The following LRRC7 variants were observed in gnomAD, a reference collection of about 807,000 sequenced individuals.
LRRC7 encodes the protein leucine rich repeat containing 7.
Under a neutral mutation model 175.7 loss-of-function variants are expected in LRRC7, and 23 were observed. That is an observed-to-expected ratio of 0.13 (90% CI 0.09 to 0.19). The LOEUF (loss-of-function observed/expected upper bound fraction) is 0.19. Among genes scored for constraint, LRRC7 ranks in the 10% least tolerant of loss-of-function variants. LRRC7 has a pLI of 1.00. For synonymous variants in LRRC7, 685 were observed against 680.9 expected (o/e 1.01, Z -0.09); for missense variants, 1,354 against 1,904.7 (o/e 0.71, Z 5.38).
At chr1:69,862,182 A>T (rs1031751417) in intron 7 of LRRC7, among the ~76,000 whole-genome samples, 1 of 152,180 alleles carries the variant, frequency 6.6e-6, no homozygotes, top group East Asian at 1.9e-4. Flanking sequence ...AACATAAAAG[A>T]AACCATCTAT....
At chr1:69,843,214 CA>C (rs905777908) in intron 7 of LRRC7, among the ~76,000 whole-genome samples, 8 of 146,344 alleles carry the variant, frequency 5.5e-5, no homozygotes, top group Middle Eastern at 3.5e-3. Context: ...AAAACAACAA[CA>C]AAAAAAAAAC....
chr1:69,631,467 T>C (rs1490665047), intron 1 of LRRC7, among the ~76,000 whole-genome samples: 1 of 152,100 alleles, frequency 6.6e-6, no homozygotes, highest in African/African-American at 2.4e-5. Context: ...CTACAAGGTT[T>C]ATCTCAAGGT....
At chr1:69,599,196 T>C (rs968292344) in intron 1 of LRRC7, among the ~76,000 whole-genome samples, 3 of 152,144 alleles carry the variant, frequency 2.0e-5, no homozygotes, top group Non-Finnish European at 2.9e-5. Context: ...AGAAGTAGGA[T>C]GGAATATAGT....
Position 70,131,733 on chromosome 1 carries a change from C to T in LRRC7, c.*9846C>T, listed in dbSNP as rs1311716606. 1.3e-5 allele frequency among the ~76,000 whole-genome samples: 2 copies of T among 152,272 alleles called. No individual in the cohort carries two copies. Among genetic ancestry groups the T allele is most frequent in the East Asian group, 3.9e-4 (2 of 5,186 alleles). ...CTTTGATAGCATGATGCCTCAAACT[C>T]TCCAGGGGCCTACTCTTTGGTATCT... On this transcript the variant is annotated 3_prime_UTR_variant, in exon 27 of 27. Coordinates refer to ENST00000651989, the MANE Select transcript of LRRC7 (RefSeq NM_001370785.2).
At position 70,142,422 on chromosome 1, in the gene LRRC7, C is replaced by CTAT. The variant is rs1248794054; in HGVS notation, c.*20537_*20539dup. Reference sequence around the variant, plus strand: ...CACTTTCATCCTTGAAAACACAAGCCTATTTTCTGTTTGAAATGAAGAGAA... The same window carrying CTAT: ...CACTTTCATCCTTGAAAACACAAGCCTATTATTTTCTGTTTGAAATGAAGAGAA... On this transcript the variant is annotated 3_prime_UTR_variant, in exon 27 of 27. Coordinates refer to ENST00000651989, the MANE Select transcript of LRRC7 (RefSeq NM_001370785.2). 2 of 152,062 alleles carry CTAT rather than the reference C, an allele frequency of 1.3e-5. No individual in the cohort carries two copies. The highest frequency in any genetic ancestry group is 2.9e-5 in the Non-Finnish European group (2 of 67,982). 9.4% of individuals were successfully genotyped at this position (152,062 alleles called of 1,614,324 possible). A position where few individuals can be genotyped will look rare whatever the true frequency, so the allele number is the denominator to read the frequency against.
chr1:69,996,648 A>C (rs1334757574), intron 11 of LRRC7, among the ~76,000 whole-genome samples: 1 of 152,096 alleles, frequency 6.6e-6, no homozygotes, highest in East Asian at 1.9e-4. Flanking sequence ...CCATTTATTA[A>C]ATAGGGAATC....
At chr1:70,108,345 G>A (rs948977149) in intron 26 of LRRC7, among the ~76,000 whole-genome samples, 1 of 152,072 alleles carries the variant, frequency 6.6e-6, no homozygotes, top group Non-Finnish European at 1.5e-5. Context: ...GATGGAAGAT[G>A]ACTTTCACTA....
chr1:69,939,952 T>C (rs934294473), intron 8 of LRRC7, among the ~76,000 whole-genome samples: 1 of 152,120 alleles, frequency 6.6e-6, no homozygotes, highest in African/African-American at 2.4e-5. Flanking sequence ...CAATTTACTT[T>C]GAGACATACT....
intron 8 of LRRC7, among the ~76,000 whole-genome samples, chr1:69,936,688 A>T (rs950739937): frequency 6.6e-6 from 1 of 152,084 alleles, no homozygotes; most frequent in East Asian, 1.9e-4. Flanking sequence ...GTAGTACCTG[A>T]CAGGTAGTTT....
intron 7 of LRRC7, chr1:69,919,823 A>G: frequency 1.3e-6 from 1 of 751,694 alleles, no homozygotes; most frequent in Non-Finnish European, 2.3e-6. Flanking sequence ...CATCCACGTC[A>G]TTGTCCGCAC....
intron 1 of LRRC7, among the ~76,000 whole-genome samples, chr1:69,643,326 C>A (rs1053778444): frequency 1.6e-4 from 24 of 152,050 alleles, no homozygotes; most frequent in Non-Finnish European, 2.8e-4. Context: ...TCTGGGCATC[C>A]CTTAGCCCAG....
chr1:69,941,279 A>G (rs1648683098), intron 8 of LRRC7, among the ~76,000 whole-genome samples: 1 of 152,068 alleles, frequency 6.6e-6, no homozygotes, highest in Non-Finnish European at 1.5e-5. Flanking sequence ...AGCTCTTTGG[A>G]AGGGTTTGAG....
chr1:70,054,578 C>CTTT (rs35639787), intron 23 of LRRC7, among the ~76,000 whole-genome samples: 989 of 53,836 alleles, frequency 0.018, 258 homozygotes, highest in Non-Finnish European at 0.019. Flanking sequence ...TTACACTCTA[C>CTTT]TTTTTTTTTT....
intron 21 of LRRC7, among the ~76,000 whole-genome samples, chr1:70,042,472 A>G (rs1016389905): frequency 3.3e-5 from 5 of 152,244 alleles, no homozygotes; most frequent in Non-Finnish European, 7.3e-5. Context: ...GACATTGGAT[A>G]AGCATAACAG....
In LRRC7 at chr1:69,764,570, C is replaced by T. The variant is rs1003072462; in HGVS notation, c.303+4177C>T. On this transcript the variant is annotated intron_variant, in intron 3 of 26. Transcript: ENST00000651989. Reference sequence around the variant, plus strand: ...ATATTTTAGAGATCAAGAACCAAAGCTTTTGACCCAGGCAAATCTGGAATT... The same window carrying T: ...ATATTTTAGAGATCAAGAACCAAAGTTTTTGACCCAGGCAAATCTGGAATT... Among the ~76,000 whole-genome samples, 4 of 151,922 alleles carry T rather than the reference C, an allele frequency of 2.6e-5. No individual in the cohort carries two copies. In the East Asian group the frequency reaches 7.7e-4, roughly 29 times the overall value.
intron 1 of LRRC7, among the ~76,000 whole-genome samples, chr1:69,647,999 T>G (rs1024747577): frequency 1.1e-4 from 17 of 151,956 alleles, no homozygotes; most frequent in African/African-American, 3.9e-4. Flanking sequence ...TAAAATGTTT[T>G]CAAAAGTTTA....
chr1:70,010,998 AC>A (rs1191912383), intron 11 of LRRC7, among the ~76,000 whole-genome samples: 2 of 152,126 alleles, frequency 1.3e-5, no homozygotes, highest in Non-Finnish European at 2.9e-5. Flanking sequence ...AAGAATACAG[AC>A]CCCGTATTGA....
At chr1:69,888,239 A>G (rs1645713866) in intron 7 of LRRC7, among the ~76,000 whole-genome samples, 1 of 151,928 alleles carries the variant, frequency 6.6e-6, no homozygotes. Context: ...TTGCAGTTTG[A>G]TCTCAGACTG....
intron 8 of LRRC7, among the ~76,000 whole-genome samples, chr1:69,938,964 T>A (rs1166271024): frequency 6.8e-6 from 1 of 146,604 alleles, no homozygotes; most frequent in Non-Finnish European, 1.5e-5. Flanking sequence ...CCTTCATTTT[T>A]CTGCATTTGT....
Sources: gnomAD v4.1 joint callset for allele counts (sites outside exome capture counted in the v4.1 genomes callset) on GRCh38, gnomAD v4.1.1 for gene constraint, MANE v1.5 for transcripts, NCBI Gene and HGNC (gene_info 2026-07-23, HGNC 2026-07-21) for gene names.